Variants in RBM19 observed in about 807,000 individuals in gnomAD.
The protein encoded by RBM19 is probable RNA-binding protein 19.
A neutral mutation model predicts 116.8 loss-of-function variants in RBM19; 94 were observed. The observed-to-expected ratio is 0.80, with a 90% CI of 0.68 to 0.95. The LOEUF (loss-of-function observed/expected upper bound fraction) is 0.95, where lower values mean the gene tolerates loss of function less well. Ranked by LOEUF, RBM19 falls within the 40% of genes least tolerant of loss-of-function variation. RBM19 has a pLI of 0.00. For synonymous variants in RBM19, 475 were observed against 494.1 expected, an observed-to-expected ratio of 0.96 and a Z score of 0.51; for missense variants, 1,161 against 1,220.7, an observed-to-expected ratio of 0.95 and a Z score of 0.73.
At chr12:113,946,555 G>T in intron 11 of RBM19, 80 bp from the exon 12 acceptor site, 1 of 1,590,194 alleles carries the variant, frequency 6.3e-7, no homozygotes, top group East Asian at 2.2e-5. Context: ...GTTGGCTTCT[G>T]CCACGAGTAA....
chr12:113,937,417 C>G (rs1870167975), intron 15 of RBM19, among the ~76,000 whole-genome samples: 1 of 152,070 alleles, frequency 6.6e-6, no homozygotes, highest in Non-Finnish European at 1.5e-5. Flanking sequence ...TTTTTCCAAT[C>G]AGAGTATGAA....
chr12:113,870,520 C>G (rs1285129332), intron 21 of RBM19, among the ~76,000 whole-genome samples: 1 of 152,170 alleles, frequency 6.6e-6, no homozygotes, highest in African/African-American at 2.4e-5. Flanking sequence ...AGGCAGGAAT[C>G]TTCCAAAGAC....
intron 23 of RBM19, among the ~76,000 whole-genome samples, chr12:113,839,356 C>T (rs564668732): frequency 3.1e-4 from 47 of 152,352 alleles, no homozygotes; most frequent in African/African-American, 9.9e-4. Flanking sequence ...AGACATCAAT[C>T]GGACAATAGG....
chr12:113,929,508 A>T (rs1016236160), intron 16 of RBM19, among the ~76,000 whole-genome samples: 2 of 152,218 alleles, frequency 1.3e-5, no homozygotes, highest in Non-Finnish European at 2.9e-5. Context: ...GGCCCTTTGT[A>T]CTTAAAACCC....
chr12:113,854,981 C>G (rs925041356), intron 22 of RBM19, among the ~76,000 whole-genome samples: 1 of 152,244 alleles, frequency 6.6e-6, no homozygotes, highest in Non-Finnish European at 1.5e-5. Flanking sequence ...TTACTCTGAG[C>G]TCTGCCACAA....
At chr12:113,915,375 G>T (rs1882713120) in intron 20 of RBM19, among the ~76,000 whole-genome samples, 2 of 152,140 alleles carry the variant, frequency 1.3e-5, no homozygotes, top group Admixed American at 1.3e-4. Context: ...GGTGGGGCTG[G>T]TTTCTCACCA....
intron 22 of RBM19, among the ~76,000 whole-genome samples, chr12:113,856,678 G>A (rs1877927121): frequency 6.6e-6 from 1 of 152,154 alleles, no homozygotes; most frequent in African/African-American, 2.4e-5. Flanking sequence ...CCAGTGGGTG[G>A]GTGAGAAAAG....
chr12:113,880,991 G>A (rs1260558348), intron 21 of RBM19, among the ~76,000 whole-genome samples: 1 of 152,112 alleles, frequency 6.6e-6, no homozygotes, highest in East Asian at 1.9e-4. Flanking sequence ...TGCAAACGCG[G>A]GTGAGTTTTG....
At chr12:113,940,998 A>C (rs962442062) in intron 14 of RBM19, among the ~76,000 whole-genome samples, 2 of 152,224 alleles carry the variant, frequency 1.3e-5, no homozygotes, top group African/African-American at 4.8e-5. Flanking sequence ...TTTTATTAAA[A>C]AATAATGTTG....
chr12:113,926,174 T>C (rs968307909), intron 17 of RBM19, among the ~76,000 whole-genome samples: 33 of 152,082 alleles, frequency 2.2e-4, no homozygotes, highest in African/African-American at 8.0e-4. Flanking sequence ...ATCCCAATGT[T>C]TGCCTCCATA....
At chr12:113,956,823 C>A (rs1241418563) in intron 6 of RBM19, among the ~76,000 whole-genome samples, 1 of 152,128 alleles carries the variant, frequency 6.6e-6, no homozygotes, top group Non-Finnish European at 1.5e-5. Context: ...ATGACCCTGG[C>A]TGAGGCACCT....
At chr12:113,873,892 G>A (rs1282269011) in intron 21 of RBM19, among the ~76,000 whole-genome samples, 1 of 152,192 alleles carries the variant, frequency 6.6e-6, no homozygotes, top group East Asian at 1.9e-4. Context: ...ACCAAGTGGG[G>A]AGTGCTGTGC....
Position 113,959,248 on chromosome 12 carries a change from C to T in RBM19, c.535G>A (p.Glu179Lys), listed in dbSNP as rs1566044316. Residue 179 changes from glutamate (E) to lysine (K), a missense_variant, in exon 5 of 24, where the codon GAG becomes AAG. Coordinates refer to ENST00000261741, the MANE Select transcript of RBM19 (RefSeq NM_016196.4). ...TCCCCGGCTCCCTCCTCCTCACTCTCCTGCCCAGAATCGGAGTCGAAGTTC... is the reference window on the plus strand; with the variant it reads ...TCCCCGGCTCCCTCCTCCTCACTCTTCTGCCCAGAATCGGAGTCGAAGTTC... ...YLNFDSDSGQ[E>K]SEEEGAGEDL... 1 of 1,613,124 alleles carries T rather than the reference C, an allele frequency of 6.2e-7. No homozygotes were observed. Among genetic ancestry groups the T allele is most frequent in the Non-Finnish European group, 8.5e-7 (1 of 1,179,832 alleles).
intron 21 of RBM19, among the ~76,000 whole-genome samples, chr12:113,871,413 C>G (rs1046901410): frequency 6.6e-6 from 1 of 152,210 alleles, no homozygotes; most frequent in Non-Finnish European, 1.5e-5. Flanking sequence ...CCAGAAGTGA[C>G]AACTAGCAGC....
intron 21 of RBM19, among the ~76,000 whole-genome samples, chr12:113,894,278 T>C (rs1012021321): frequency 2.0e-5 from 3 of 152,218 alleles, no homozygotes; most frequent in Non-Finnish European, 4.4e-5. Context: ...ATGTGTGCAG[T>C]AACATTCAAA....
intron 22 of RBM19, among the ~76,000 whole-genome samples, chr12:113,847,705 C>T (rs920468265): frequency 3.3e-5 from 5 of 152,154 alleles, no homozygotes; most frequent in African/African-American, 4.8e-5. Context: ...GAGGTAGGTC[C>T]GGGTGAGAGG....
chr12:113,924,110 C>G (rs1868843213), intron 18 of RBM19, among the ~76,000 whole-genome samples: 1 of 152,218 alleles, frequency 6.6e-6, no homozygotes, highest in Admixed American at 6.5e-5. Context: ...TGGAGCCCAG[C>G]AGAGGCCAGG....
At chr12:113,859,855 T>TA (rs140512288) in intron 21 of RBM19, among the ~76,000 whole-genome samples, 4,600 of 151,970 alleles carry the variant, frequency 0.03, 210 homozygotes, top group African/African-American at 0.1. Flanking sequence ...CACACACACA[T>TA]ATGCACGATG....
chr12:113,831,067 C>T (rs1317906643), intron 23 of RBM19, among the ~76,000 whole-genome samples: 1 of 152,268 alleles, frequency 6.6e-6, no homozygotes, highest in African/African-American at 2.4e-5. Context: ...ATTCCTTGGG[C>T]CTGGTGCCCT....
Sources: gnomAD v4.1 joint callset for allele counts (sites outside exome capture counted in the v4.1 genomes callset) on GRCh38, gnomAD v4.1.1 for gene constraint, MANE v1.5 for transcripts, NCBI Gene and HGNC (gene_info 2026-07-23, HGNC 2026-07-21) for gene names.